FIG4: variants seen among roughly 807,000 people sequenced by gnomAD.
FIG4 encodes FIG4 phosphoinositide 5-phosphatase, also known as polyphosphoinositide phosphatase.
In FIG4, 112 loss-of-function variants were observed where a neutral mutation model predicts 118.6. That is an observed-to-expected ratio of 0.94 (90% CI 0.81 to 1.11). FIG4 has a LOEUF of 1.11. FIG4 is among the 50% of genes least tolerant of loss of function. The pLI, the probability that FIG4 is intolerant of heterozygous loss-of-function variation, is 0.00. For missense variants in FIG4, 969 were observed against 1,111.7 expected (o/e 0.87, Z 1.83); for synonymous variants, 369 against 381.2 (o/e 0.97, Z 0.37).
intron 10 of FIG4, among the ~76,000 whole-genome samples, chr6:109,757,814 C>G (rs1776967028): frequency 6.6e-6 from 1 of 152,038 alleles, no homozygotes; most frequent in African/African-American, 2.4e-5. Context: ...TCCTATACAC[C>G]AATAATAGAC....
chr6:109,713,760 G>T (rs1775343867), intron 1 of FIG4, among the ~76,000 whole-genome samples: 1 of 152,088 alleles, frequency 6.6e-6, no homozygotes, highest in Non-Finnish European at 1.5e-5. Context: ...TGGGCTGCTG[G>T]GTGGCCATGG....
At chr6:109,757,772 A>T (rs985283493) in intron 10 of FIG4, among the ~76,000 whole-genome samples, 31 of 152,248 alleles carry the variant, frequency 2.0e-4, no homozygotes, top group Non-Finnish European at 3.4e-4. Flanking sequence ...AAGTCTCAGG[A>T]TACAAAATCA....
At chr6:109,749,302 T>C (rs1002206562) in intron 10 of FIG4, among the ~76,000 whole-genome samples, 48 of 152,164 alleles carry the variant, frequency 3.2e-4, no homozygotes, top group Non-Finnish European at 1.6e-4. Context: ...AATTCAGAAG[T>C]TTCATGTTCA....
chr6:109,770,404 A>G (rs191122849), intron 15 of FIG4, among the ~76,000 whole-genome samples: 2 of 152,186 alleles, frequency 1.3e-5, no homozygotes, highest in Admixed American at 6.5e-5. Context: ...ATGCGTGTGC[A>G]TAATTTGAAT....
At chr6:109,691,588 C>A in intron 1 of FIG4, 87 bp downstream of exon 1, 1 of 1,133,894 alleles carries the variant, frequency 8.8e-7, no homozygotes, top group Non-Finnish European at 1.3e-6. Context: ...CTGTACTCTG[C>A]CTCCTCCTCC....
chr6:109,784,916 A>T (rs1286221240), intron 16 of FIG4, 54 bp from the exon 17 acceptor site: 2 of 944,688 alleles, frequency 2.1e-6, no homozygotes, highest in African/African-American at 3.3e-5. Flanking sequence ...AGTAAATTTT[A>T]GAAAACCAAC....
intron 10 of FIG4, among the ~76,000 whole-genome samples, chr6:109,748,485 A>C (rs1776575577): frequency 6.6e-6 from 1 of 152,114 alleles, no homozygotes; most frequent in Non-Finnish European, 1.5e-5. Flanking sequence ...TGGAAATAAA[A>C]GAGGTCACGA....
intron 8 of FIG4, among the ~76,000 whole-genome samples, 182 bp downstream of exon 8, chr6:109,741,726 C>T (rs1375577877): frequency 6.6e-6 from 1 of 152,102 alleles, no homozygotes; most frequent in Non-Finnish European, 1.5e-5. Context: ...CATCCAAAAT[C>T]CACAGATGCT....
chr6:109,810,392 G>A (rs1778686888), intron 22 of FIG4, among the ~76,000 whole-genome samples: 1 of 152,240 alleles, frequency 6.6e-6, no homozygotes. Flanking sequence ...CCGCTGCTGA[G>A]CTGTGAGTCC....
intron 22 of FIG4, among the ~76,000 whole-genome samples, chr6:109,815,747 G>T (rs141275525): frequency 1.3e-5 from 2 of 151,798 alleles, no homozygotes; most frequent in Non-Finnish European, 2.9e-5. Context: ...CAGTTTTCCA[G>T]TTACACTGGC....
chr6:109,795,231 T>G (rs534152778), intron 21 of FIG4, among the ~76,000 whole-genome samples: 1 of 149,712 alleles, frequency 6.7e-6, no homozygotes, highest in South Asian at 2.2e-4. Context: ...TTCACGCCAT[T>G]CTCCTGCCTC....
At chr6:109,713,005 C>T (rs755895024) in intron 1 of FIG4, among the ~76,000 whole-genome samples, 3 of 152,114 alleles carry the variant, frequency 2.0e-5, no homozygotes, top group Non-Finnish European at 4.4e-5. Context: ...AGGGGGCCAA[C>T]GTTCAGCTGC....
intron 8 of FIG4, among the ~76,000 whole-genome samples, chr6:109,742,652 T>C (rs1776360950): frequency 2.0e-5 from 3 of 152,170 alleles, no homozygotes; most frequent in African/African-American, 7.2e-5. Flanking sequence ...TATGTCCTTA[T>C]ATACTTCTGT....
intron 10 of FIG4, among the ~76,000 whole-genome samples, chr6:109,746,639 T>C (rs1776507915): frequency 6.6e-6 from 1 of 152,162 alleles, no homozygotes; most frequent in Non-Finnish European, 1.5e-5. Flanking sequence ...CAGAGTATTG[T>C]AGGCTGCATT....
At chr6:109,814,479 A>G (rs146337438) in intron 22 of FIG4, among the ~76,000 whole-genome samples, 91 of 151,996 alleles carry the variant, frequency 6.0e-4, no homozygotes, top group Admixed American at 2.1e-3. Flanking sequence ...AAGCAATGTC[A>G]TCTGAGCTTT....
intron 15 of FIG4, among the ~76,000 whole-genome samples, chr6:109,769,171 C>T (rs965745912): frequency 1.1e-4 from 17 of 150,588 alleles, no homozygotes; most frequent in Admixed American, 9.3e-4. Context: ...GGCTCAAACT[C>T]GGCTCACTGC....
intron 15 of FIG4, among the ~76,000 whole-genome samples, chr6:109,769,868 A>G (rs1468034260): frequency 1.3e-5 from 2 of 152,180 alleles, no homozygotes; most frequent in Admixed American, 6.5e-5. Flanking sequence ...GCAGTGAACT[A>G]TGATCATTCC....
intron 10 of FIG4, among the ~76,000 whole-genome samples, chr6:109,749,055 C>CTGTGTGTGTGTGTGTGTGTGTGTGTG (rs113357544): frequency 1.5e-5 from 2 of 132,394 alleles, no homozygotes; most frequent in South Asian, 2.9e-4. Flanking sequence ...CAAAGGAGCT[C>CTGTGTGTGTGTGTGTGTGTGTGTGTG]TGTGTGTGTG....
intron 15 of FIG4, among the ~76,000 whole-genome samples, chr6:109,774,488 G>C (rs1777560824): frequency 6.6e-6 from 1 of 151,440 alleles, no homozygotes; most frequent in Non-Finnish European, 1.5e-5. Flanking sequence ...TAGGTCAGAG[G>C]GTAAAAATAA....
Sources: gnomAD v4.1 joint callset for allele counts (sites outside exome capture counted in the v4.1 genomes callset) on GRCh38, gnomAD v4.1.1 for gene constraint, MANE v1.5 for transcripts, NCBI Gene and HGNC (gene_info 2026-07-23, HGNC 2026-07-21) for gene names.